The following WDR31 variants were observed in gnomAD, a reference collection of about 807,000 sequenced individuals.
WDR31 encodes WD repeat-containing protein 31.
Under a neutral mutation model 47.3 loss-of-function variants are expected in WDR31, and 30 were observed. That is an observed-to-expected ratio of 0.63 (90% CI 0.47 to 0.86). The LOEUF (loss-of-function observed/expected upper bound fraction) is 0.86. Ranked by LOEUF, WDR31 falls within the 40% of genes least tolerant of loss-of-function variation. WDR31 has a pLI of 0.00. For synonymous variants in WDR31, 137 were observed against 159.4 expected, an observed-to-expected ratio of 0.86 and a Z score of 1.06; for missense variants, 406 against 442.9, an observed-to-expected ratio of 0.92 and a Z score of 0.75.
intron 3 of WDR31, 132 bp downstream of exon 3, chr9:113,331,775 C>T (rs1833602710): frequency 6.5e-6 from 5 of 774,676 alleles, no homozygotes; most frequent in East Asian, 5.8e-5. Context: ...AAAGAAAACA[C>T]ACTAAACTAT....
chr9:113,335,396 AG>A (rs1368314137), intron 2 of WDR31, among the ~76,000 whole-genome samples: 5 of 152,290 alleles, frequency 3.3e-5, no homozygotes, highest in African/African-American at 1.2e-4. Context: ...CAGATAGCTG[AG>A]GGAAGTATGG....
chr9:113,339,798 T>A lies in WDR31; in HGVS notation c.-182+419A>T, dbSNP rs190755076. On this transcript the variant is annotated intron_variant, in intron 1 of 10. Transcript: ENST00000374193. ...CTCTGTCACCCAGGCTGGAGTGCAG[T>A]GGCGCGATCTCGGCTCACTGCAACC... Among the ~76,000 whole-genome samples, 165 of 152,354 alleles carry A rather than the reference T, an allele frequency of 1.1e-3. 1 individual carries two copies. Among genetic ancestry groups the A allele is most frequent in the Middle Eastern group, 6.8e-3 (2 of 294 alleles).
At chr9:113,332,152 G>T in intron 2 of WDR31, 102 bp from the exon 3 acceptor site, 1 of 796,522 alleles carries the variant, frequency 1.3e-6, no homozygotes, top group Non-Finnish European at 1.9e-6. Context: ...GTATGCTTTT[G>T]CTTTTCCTCC....
intron 8 of WDR31, 24 bp from the exon 9 acceptor site, chr9:113,320,522 T>C: frequency 6.2e-7 from 1 of 1,609,074 alleles, no homozygotes; most frequent in South Asian, 1.1e-5. Context: ...GGGCAGGAAA[T>C]TAGCTTGTAG....
At chr9:113,319,892 C>T (rs890015691) in intron 9 of WDR31, among the ~76,000 whole-genome samples, 2 of 152,188 alleles carry the variant, frequency 1.3e-5, no homozygotes, top group Non-Finnish European at 2.9e-5. Flanking sequence ...TGACTCTCAT[C>T]CCATTCCTCT....
chr9:113,320,629 T>A, intron 8 of WDR31, 131 bp from the exon 9 acceptor site: 3 of 1,163,736 alleles, frequency 2.6e-6, no homozygotes, highest in African/African-American at 1.6e-5. Flanking sequence ...ATGATTTACC[T>A]AAAAACGGCA....
intron 5 of WDR31, among the ~76,000 whole-genome samples, chr9:113,325,832 G>T (rs1463404642): frequency 6.6e-6 from 1 of 152,068 alleles, no homozygotes; most frequent in East Asian, 1.9e-4. Context: ...TGGATTGAAG[G>T]CTCATACAGT....
intron 2 of WDR31, among the ~76,000 whole-genome samples, chr9:113,333,606 C>T (rs1307948609): frequency 6.6e-6 from 1 of 151,262 alleles, no homozygotes; most frequent in South Asian, 2.1e-4. Context: ...TGGTCTCGAT[C>T]TCCTGACCTC....
chr9:113,327,195 T>C (rs559912855), intron 5 of WDR31, among the ~76,000 whole-genome samples: 62 of 152,302 alleles, frequency 4.1e-4, no homozygotes, highest in African/African-American at 1.3e-3. Flanking sequence ...TTATAGAGAG[T>C]AAAAAGCATT....
In WDR31 at chr9:113,313,607, T is replaced by A. The variant is rs1049965060; in HGVS notation, c.*3142A>T. The A allele has an allele frequency of 3.3e-5, 5 of 152,254 alleles. No individual in the cohort carries two copies. The highest frequency in any genetic ancestry group is 3.3e-4 in the Admixed American group (5 of 15,286). 9.4% of individuals were successfully genotyped at this position (152,254 alleles called of 1,614,324 possible). A position where few individuals can be genotyped will look rare whatever the true frequency, so the allele number is the denominator to read the frequency against. On this transcript the variant is annotated 3_prime_UTR_variant, in exon 11 of 11. Transcript: ENST00000374193. ...TTTGAGTCAGGCAGACCCAGATTCA[T>A]ACCTCAGCTCTTCTTAATATGTGTG...
chr9:113,325,258 A>T (rs1322355885), intron 5 of WDR31, among the ~76,000 whole-genome samples: 2 of 152,084 alleles, frequency 1.3e-5, no homozygotes, highest in Non-Finnish European at 2.9e-5. Flanking sequence ...CCCAGCCTAG[A>T]TATGTCTCTT....
chr9:113,323,263 T>G, intron 5 of WDR31, 108 bp from the exon 6 acceptor site: 1 of 1,366,438 alleles, frequency 7.3e-7, no homozygotes. Context: ...CCACACACAC[T>G]TCTTTTCTTT....
intron 5 of WDR31, among the ~76,000 whole-genome samples, chr9:113,326,190 C>T (rs1379300457): frequency 2.0e-5 from 3 of 152,176 alleles, no homozygotes; most frequent in Non-Finnish European, 2.9e-5. Flanking sequence ...GGATTACAGG[C>T]GTGAGCCACC....
At chr9:113,339,499 A>G (rs1833784135) in intron 1 of WDR31, among the ~76,000 whole-genome samples, 1 of 152,220 alleles carries the variant, frequency 6.6e-6, no homozygotes, top group African/African-American at 2.4e-5. Flanking sequence ...GTATGAGTAG[A>G]AACACCTGGA....
chr9:113,332,622 G>A (rs1210077950), intron 2 of WDR31, among the ~76,000 whole-genome samples: 1 of 152,218 alleles, frequency 6.6e-6, no homozygotes, highest in African/African-American at 2.4e-5. Flanking sequence ...AAGCAGATTA[G>A]TGGTTGGCAA....
At chr9:113,334,987 G>T (rs1043149307) in intron 2 of WDR31, among the ~76,000 whole-genome samples, 3 of 152,032 alleles carry the variant, frequency 2.0e-5, no homozygotes, top group Non-Finnish European at 2.9e-5. Flanking sequence ...CCTCTTTGGG[G>T]GTTCTTAATT....
At chr9:113,331,387 G>A (rs1833594132) in intron 3 of WDR31, among the ~76,000 whole-genome samples, 1 of 152,202 alleles carries the variant, frequency 6.6e-6, no homozygotes, top group African/African-American at 2.4e-5. Context: ...GCTCACACTA[G>A]CAATTAATCC....
At chr9:113,318,119 C>G (rs1212586528) in intron 10 of WDR31, among the ~76,000 whole-genome samples, 3 of 152,220 alleles carry the variant, frequency 2.0e-5, no homozygotes, top group Non-Finnish European at 4.4e-5. Flanking sequence ...CTTACTCCCC[C>G]TTACCCTCAC....
At position 113,316,732 on chromosome 9, in the gene WDR31, G is replaced by T; in HGVS notation, c.*17C>A. 6.2e-7 allele frequency: 1 copy of T among 1,611,110 alleles called. No homozygotes were observed. Among genetic ancestry groups the T allele is most frequent in the South Asian group, 1.1e-5 (1 of 90,548 alleles). ...AGGAGCCATGGTTTGATATTGTCCA[G>T]TGAGTGTCTCTTGGCCTCAGAATGC... On this transcript the variant is annotated 3_prime_UTR_variant, in exon 11 of 11. Coordinates refer to ENST00000374193, the MANE Select transcript of WDR31 (RefSeq NM_001012361.4).
Sources: gnomAD v4.1 joint callset for allele counts (sites outside exome capture counted in the v4.1 genomes callset) on GRCh38, gnomAD v4.1.1 for gene constraint, MANE v1.5 for transcripts, NCBI Gene and HGNC (gene_info 2026-07-23, HGNC 2026-07-21) for gene names.